RNF169: variants seen among roughly 807,000 people sequenced by gnomAD.
RNF169 encodes ring finger protein 169, also known as E3 ubiquitin-protein ligase RNF169.
A neutral mutation model predicts 53.9 loss-of-function variants in RNF169; 24 were observed. The observed-to-expected ratio is 0.45, with a 90% CI of 0.32 to 0.63. The LOEUF is 0.63. RNF169 is among the 20% of genes least tolerant of loss of function. The pLI is 0.04. For missense variants in RNF169, 883 were observed against 906.2 expected, an observed-to-expected ratio of 0.97 and a Z score of 0.33; for synonymous variants, 396 against 363.5, an observed-to-expected ratio of 1.09 and a Z score of -1.02.
chr11:74,802,876 C>T (rs948797463), intron 2 of RNF169, among the ~76,000 whole-genome samples: 1 of 144,388 alleles, frequency 6.9e-6, no homozygotes, highest in Admixed American at 7.4e-5. Context: ...CTCACAGTAT[C>T]TGGGGGAAAA....
chr11:74,767,079 A>T (rs72991267), intron 1 of RNF169, among the ~76,000 whole-genome samples: 1 of 152,060 alleles, frequency 6.6e-6, no homozygotes, highest in Non-Finnish European at 1.5e-5. Context: ...ACCTCAAGCA[A>T]TTCTCCTGCC....
chr11:74,763,293 A>C (rs1287248614), intron 1 of RNF169, among the ~76,000 whole-genome samples: 1 of 152,230 alleles, frequency 6.6e-6, no homozygotes, highest in African/African-American at 2.4e-5. Context: ...AATAAGCCCA[A>C]CTGAAGATGA....
chr11:74,819,840 A>T (rs1172344382), intron 4 of RNF169, among the ~76,000 whole-genome samples: 2 of 152,242 alleles, frequency 1.3e-5, no homozygotes, highest in African/African-American at 4.8e-5. Flanking sequence ...ATGCTATAAA[A>T]GAAAGATCTG....
chr11:74,789,881 A>C (rs1037187831), intron 2 of RNF169, among the ~76,000 whole-genome samples, 182 bp downstream of exon 2: 2 of 152,220 alleles, frequency 1.3e-5, no homozygotes, highest in Non-Finnish European at 2.9e-5. Flanking sequence ...ACCTTAACCC[A>C]AGATTCCCTT....
chr11:74,786,083 G>GGCACCTGTCACC lies in RNF169; in HGVS notation c.503-3542_503-3531dup, dbSNP rs541375902. Among the ~76,000 whole-genome samples, 204 of 151,690 alleles carry GGCACCTGTCACC rather than the reference G, an allele frequency of 1.3e-3. 1 individual carries two copies. The highest frequency in any genetic ancestry group is 4.6e-3 in the African/African-American group (190 of 41,408). On this transcript the variant is annotated intron_variant, in intron 1 of 5. Coordinates refer to ENST00000299563, the MANE Select transcript of RNF169 (RefSeq NM_001098638.2). The stretch of plus-strand genomic sequence containing the variant: ...AGCCTCCCAAGTAGCTGGGACTACA[G>GGCACCTGTCACC]GCACCTGTCACCACACCTGGCTAAT...
chr11:74,839,166 T>G lies in RNF169; in HGVS notation c.*2436T>G, dbSNP rs1380414301. On this transcript the variant is annotated 3_prime_UTR_variant, in exon 6 of 6. Coordinates refer to ENST00000299563, the MANE Select transcript of RNF169 (RefSeq NM_001098638.2). ...AGGTCCAGCTTACTGCCTTCCCCCC[T>G]TGTACCTACAGTGATGCCTAGGATG... is the stretch of plus-strand genomic sequence containing the variant. 6.6e-6 allele frequency: 1 copy of G among 152,200 alleles called. No homozygotes were observed. The highest frequency in any genetic ancestry group is 1.9e-4 in the East Asian group (1 of 5,198). The allele number at this position is 152,200 out of a possible 1,614,324, so 9.4% of individuals were successfully genotyped here.
Position 74,840,506 on chromosome 11 carries a change from T to G in RNF169, c.*3776T>G, listed in dbSNP as rs1175503370. 1.3e-5 allele frequency: 2 copies of G among 152,196 alleles called. No individual in the cohort carries two copies. The highest frequency in any genetic ancestry group is 1.9e-4 in the East Asian group (1 of 5,196). The allele number at this position is 152,196 out of a possible 1,614,324, so 9.4% of individuals were successfully genotyped here. On this transcript the variant is annotated 3_prime_UTR_variant, in exon 6 of 6. Transcript: ENST00000299563. ...CATCTCTTCAGAAGCTGCTTTTAGC[T>G]TAAGCCCCAAGAAGTGAGGTGGGTT...
At chr11:74,830,100 A>G (rs1455013847) in intron 4 of RNF169, among the ~76,000 whole-genome samples, 1 of 152,230 alleles carries the variant, frequency 6.6e-6, no homozygotes, top group Non-Finnish European at 1.5e-5. Flanking sequence ...TTATAGCTGT[A>G]AAAGCCTACA....
intron 1 of RNF169, among the ~76,000 whole-genome samples, chr11:74,767,248 A>G (rs2035188050): frequency 6.6e-6 from 1 of 152,318 alleles, no homozygotes; most frequent in East Asian, 1.9e-4. Context: ...AGTTTGGCTT[A>G]ACATTAGGAA....
intron 2 of RNF169, among the ~76,000 whole-genome samples, chr11:74,802,298 A>G (rs2035741693): frequency 6.6e-6 from 1 of 152,240 alleles, no homozygotes; most frequent in Non-Finnish European, 1.5e-5. Flanking sequence ...AGTCACCACA[A>G]TAGGTATGGT....
intron 1 of RNF169, among the ~76,000 whole-genome samples, chr11:74,758,320 G>A (rs61897006): frequency 3.4e-5 from 5 of 146,036 alleles, no homozygotes; most frequent in East Asian, 2.0e-4. Context: ...GGTATGCGGC[G>A]TTATTTCTGA....
chr11:74,835,320 C>T (rs1261424087), intron 5 of RNF169, among the ~76,000 whole-genome samples: 1 of 151,970 alleles, frequency 6.6e-6, no homozygotes, highest in Non-Finnish European at 1.5e-5. Flanking sequence ...AGTGTTTTTT[C>T]TCCCCTACAG....
chr11:74,835,970 C>T lies in RNF169; in HGVS notation c.1367C>T (p.Ala456Val), dbSNP rs972520466. ...TCAAAAGCCACTCTTACCTCTCTGG[C>T]TCCTGAAATGGGGGAAGAGTTACTA... ...TLSKATLTSL[A>V]PEMGEELLGS... Residue 456 changes from alanine to valine, a missense_variant, in exon 6 of 6, where the codon GCT (alanine) becomes GTT (valine). Coordinates refer to ENST00000299563, the MANE Select transcript of RNF169 (RefSeq NM_001098638.2). The T allele has an allele frequency of 6.2e-7, 1 of 1,614,198 alleles. No homozygotes were observed. Among genetic ancestry groups the T allele is most frequent in the Admixed American group, 1.7e-5 (1 of 60,026 alleles).
At chr11:74,753,688 G>A (rs1457737990) in intron 1 of RNF169, among the ~76,000 whole-genome samples, 1 of 152,132 alleles carries the variant, frequency 6.6e-6, no homozygotes, top group Non-Finnish European at 1.5e-5. Context: ...AAATTTTGTA[G>A]TAAATGCACT....
chr11:74,789,706 T>C lies in RNF169; in HGVS notation c.576+7T>C. 1 of 1,534,484 alleles carries C rather than the reference T, an allele frequency of 6.5e-7. No homozygotes were observed. Among genetic ancestry groups the C allele is most frequent in the Non-Finnish European group, 9.0e-7 (1 of 1,112,426 alleles). Reference sequence around the variant, plus strand: ...ATATGAAAGCTTGAGAAAGGTATAGTATTATCATGTCATTCATTTTCTTAA... The same window carrying C: ...ATATGAAAGCTTGAGAAAGGTATAGCATTATCATGTCATTCATTTTCTTAA... On this transcript the variant is annotated splice_region_variant and intron_variant, in intron 2 of 5. Coordinates refer to ENST00000299563, the MANE Select transcript of RNF169 (RefSeq NM_001098638.2).
At chr11:74,768,706 TCAAA>T (rs1294418381) in intron 1 of RNF169, among the ~76,000 whole-genome samples, 5 of 151,914 alleles carry the variant, frequency 3.3e-5, no homozygotes, top group African/African-American at 4.8e-5. Context: ...AGAAAGGCTT[TCAAA>T]CAAACAAAAA....
intron 2 of RNF169, among the ~76,000 whole-genome samples, chr11:74,802,927 T>TGG (rs551287964): frequency 1.1e-4 from 9 of 82,326 alleles, no homozygotes; most frequent in African/African-American, 3.4e-4. Context: ...TAATTTTTTT[T>TGG]GGGGGGGGGT....
In RNF169 at chr11:74,762,065, C is replaced by T. The variant is rs1451881626; in HGVS notation, c.502+12683C>T. 4.3e-3 allele frequency among the ~76,000 whole-genome samples: 614 copies of T among 142,810 alleles called. 6 individuals are homozygous for T. Among genetic ancestry groups the T allele is most frequent in the African/African-American group, 0.016 (572 of 36,794 alleles). The allele number at this position is 142,810 out of a possible 152,430, so 93.7% of individuals were successfully genotyped here. On this transcript the variant is annotated intron_variant, in intron 1 of 5. Transcript: ENST00000299563. ...TCATTTCATTCATTTCATCTTCCATCGCTGATACCCTTTCTTCCAGTTGAT... is the reference window on the plus strand; with the variant it reads ...TCATTTCATTCATTTCATCTTCCATTGCTGATACCCTTTCTTCCAGTTGAT...
intron 2 of RNF169, chr11:74,808,221 AT>A: frequency 6.6e-6 from 1 of 152,310 alleles, no homozygotes; most frequent in East Asian, 1.9e-4. Context: ...AAAATAAACT[AT>A]TTGGAGGCAG....
Sources: gnomAD v4.1 joint callset for allele counts (sites outside exome capture counted in the v4.1 genomes callset) on GRCh38, gnomAD v4.1.1 for gene constraint, MANE v1.5 for transcripts, NCBI Gene and HGNC (gene_info 2026-07-23, HGNC 2026-07-21) for gene names.